The following WWOX variants were observed in gnomAD, a reference collection of about 807,000 sequenced individuals.
WWOX encodes the protein WW domain containing oxidoreductase, also known as WW domain-containing oxidoreductase.
Under a neutral mutation model 46.2 loss-of-function variants are expected in WWOX, and 69 were observed. The observed-to-expected ratio is 1.49, with a 90% CI of 1.23 to 1.82. WWOX has a LOEUF of 1.82. WWOX is among the 40% of genes most tolerant of loss of function. The pLI, the probability that WWOX is intolerant of heterozygous loss-of-function variation, is 0.00. For missense variants in WWOX, 919 were observed against 542.6 expected (o/e 1.69, Z -6.89); for synonymous variants, 359 against 202.6 (o/e 1.77, Z -6.56).
intron 8 of WWOX, among the ~76,000 whole-genome samples, chr16:79,022,689 T>G (rs1384637968): frequency 6.6e-6 from 1 of 152,070 alleles, no homozygotes; most frequent in Non-Finnish European, 1.5e-5. Context: ...TATGCACTGA[T>G]GTAAGGGGCT....
At chr16:78,106,429 T>TG (rs2032152295) in intron 1 of WWOX, among the ~76,000 whole-genome samples, 2 of 144,728 alleles carry the variant, frequency 1.4e-5, no homozygotes, top group Non-Finnish European at 3.0e-5. Flanking sequence ...TTGTTTTTTT[T>TG]TTTTTTTTTT....
At chr16:78,830,069 G>T (rs2051773793) in intron 8 of WWOX, among the ~76,000 whole-genome samples, 2 of 151,952 alleles carry the variant, frequency 1.3e-5, no homozygotes, top group Admixed American at 1.3e-4. Flanking sequence ...ACCAGCCTGG[G>T]TAACATAGTA....
At chr16:78,614,475 G>C (rs187606213) in intron 8 of WWOX, among the ~76,000 whole-genome samples, 1 of 152,324 alleles carries the variant, frequency 6.6e-6, no homozygotes, top group Non-Finnish European at 1.5e-5. Context: ...AGGTCCTCTG[G>C]GCCAGCCCAG....
chr16:78,775,812 C>T (rs73573794), intron 8 of WWOX, among the ~76,000 whole-genome samples: 167 of 152,252 alleles, frequency 1.1e-3, no homozygotes, highest in Non-Finnish European at 2.0e-3. Flanking sequence ...CCACTACTTT[C>T]GACTGAATCT....
chr16:78,612,877 C>G (rs1441914715), intron 8 of WWOX, among the ~76,000 whole-genome samples: 2 of 152,110 alleles, frequency 1.3e-5, no homozygotes, highest in Non-Finnish European at 1.5e-5. Context: ...CAGCATAGTC[C>G]CTTAGGGTAA....
intron 8 of WWOX, among the ~76,000 whole-genome samples, chr16:78,501,902 G>C (rs2085079636): frequency 6.6e-6 from 1 of 152,090 alleles, no homozygotes; most frequent in South Asian, 2.1e-4. Flanking sequence ...GGGTGGCAAT[G>C]AAAGGTGAAA....
intron 8 of WWOX, among the ~76,000 whole-genome samples, chr16:78,835,858 A>G (rs2051967026): frequency 6.6e-6 from 1 of 152,234 alleles, no homozygotes; most frequent in Non-Finnish European, 1.5e-5. Context: ...TCTGAATTCA[A>G]CATATTTATT....
chr16:78,796,740 G>C (rs956064950), intron 8 of WWOX, among the ~76,000 whole-genome samples: 3 of 152,104 alleles, frequency 2.0e-5, no homozygotes, highest in East Asian at 1.9e-4. Flanking sequence ...GCATTCTTCA[G>C]TTCCCAACGG....
chr16:78,131,455 TA>T (rs1465434632), intron 4 of WWOX, among the ~76,000 whole-genome samples: 1 of 152,212 alleles, frequency 6.6e-6, no homozygotes, highest in African/African-American at 2.4e-5. Flanking sequence ...GCTCAAGCAG[TA>T]CACTTGCCTC....
intron 4 of WWOX, chr16:78,123,440 G>GTTTTTTTTTTTTCT (rs2033203316): frequency 2.0e-5 from 1 of 50,500 alleles, no homozygotes; most frequent in Non-Finnish European, 3.7e-5. Context: ...TTTTTGTTTT[G>GTTTTTTTTTTTTCT]TTTTTTTTTT....
At chr16:79,126,222 G>A (rs957530648) in intron 8 of WWOX, among the ~76,000 whole-genome samples, 1 of 151,988 alleles carries the variant, frequency 6.6e-6, no homozygotes, top group African/African-American at 2.4e-5. Context: ...TTGGGCTTTG[G>A]GGTGCTGGGA....
intron 8 of WWOX, among the ~76,000 whole-genome samples, chr16:78,465,752 T>C (rs1184714346): frequency 6.6e-6 from 1 of 152,230 alleles, no homozygotes; most frequent in Non-Finnish European, 1.5e-5. Flanking sequence ...AGGGCACCAG[T>C]AGTGTAATCA....
chr16:78,984,752 C>T (rs1399881922), intron 8 of WWOX, among the ~76,000 whole-genome samples: 1 of 152,200 alleles, frequency 6.6e-6, no homozygotes, highest in Non-Finnish European at 1.5e-5. Flanking sequence ...AGACTTTCTT[C>T]GTCCTCTTTT....
At chr16:78,300,401 T>C (rs574922463) in intron 5 of WWOX, among the ~76,000 whole-genome samples, 10 of 152,264 alleles carry the variant, frequency 6.6e-5, no homozygotes, top group African/African-American at 2.4e-4. Flanking sequence ...CGTTACTCAG[T>C]GGGTGCCATA....
intron 8 of WWOX, among the ~76,000 whole-genome samples, chr16:78,836,842 A>G (rs2051998804): frequency 6.6e-6 from 1 of 152,198 alleles, no homozygotes; most frequent in Non-Finnish European, 1.5e-5. Flanking sequence ...ACTGAGATGA[A>G]ACAGAATCTC....
intron 8 of WWOX, among the ~76,000 whole-genome samples, chr16:78,882,432 G>A (rs900829775): frequency 2.0e-5 from 3 of 151,066 alleles, no homozygotes; most frequent in Non-Finnish European, 4.4e-5. Context: ...ATCATCCTAA[G>A]CTCCACTACA....
At chr16:79,050,503 C>T (rs1055076317) in intron 8 of WWOX, among the ~76,000 whole-genome samples, 1 of 152,144 alleles carries the variant, frequency 6.6e-6, no homozygotes, top group African/African-American at 2.4e-5. Flanking sequence ...CACTGATGCC[C>T]CAAATAAATC....
At chr16:78,288,848 T>A (rs1267298766) in intron 5 of WWOX, among the ~76,000 whole-genome samples, 1 of 152,116 alleles carries the variant, frequency 6.6e-6, no homozygotes, top group Non-Finnish European at 1.5e-5. Flanking sequence ...GCTGCTAGAT[T>A]TTTTAAGTGG....
chr16:78,818,559 A>T (rs1019564707), intron 8 of WWOX, among the ~76,000 whole-genome samples: 1 of 152,174 alleles, frequency 6.6e-6, no homozygotes, highest in African/African-American at 2.4e-5. Context: ...AGCGAGACCC[A>T]ATCTCTCCAA....
Sources: allele counts gnomAD v4.1 joint callset (sites outside exome capture counted in the v4.1 genomes callset), GRCh38; gene constraint gnomAD v4.1.1; transcripts MANE v1.5; gene names NCBI Gene and HGNC (gene_info 2026-07-23, HGNC 2026-07-21).